DPP10: variants seen among roughly 807,000 people sequenced by gnomAD.
DPP10 encodes dipeptidyl peptidase like 10.
A neutral mutation model predicts 120.9 loss-of-function variants in DPP10; 33 were observed. The observed-to-expected ratio is 0.27, with a 90% CI of 0.21 to 0.37. The LOEUF is 0.37. Among genes scored for constraint, DPP10 ranks in the 10% least tolerant of loss-of-function variants. The pLI is 1.00. For synonymous variants in DPP10, 337 were observed against 326.1 expected, an observed-to-expected ratio of 1.03 and a Z score of -0.36; for missense variants, 816 against 942.8, an observed-to-expected ratio of 0.87 and a Z score of 1.76.
intron 1 of DPP10, among the ~76,000 whole-genome samples, chr2:115,145,417 A>G (rs2051168057): frequency 6.6e-6 from 1 of 152,158 alleles, no homozygotes; most frequent in Admixed American, 6.6e-5. Flanking sequence ...GCCTTTTCAG[A>G]CTGACTTCTT....
intron 1 of DPP10, among the ~76,000 whole-genome samples, chr2:115,101,303 T>C (rs1458123837): frequency 6.6e-6 from 1 of 152,158 alleles, no homozygotes; most frequent in Non-Finnish European, 1.5e-5. Context: ...GATGGAAATA[T>C]CTGGTTACAA....
intron 1 of DPP10, chr2:115,161,837 C>T (rs2052394354): frequency 1.9e-6 from 2 of 1,035,186 alleles, no homozygotes; most frequent in African/African-American, 1.7e-5. Flanking sequence ...CTCCCCCCAC[C>T]CCGTCCCTTC....
At chr2:114,646,320 A>G (rs1179183261) in intron 1 of DPP10, among the ~76,000 whole-genome samples, 3 of 152,106 alleles carry the variant, frequency 2.0e-5, no homozygotes, top group Non-Finnish European at 4.4e-5. Flanking sequence ...CTCCCTTCCC[A>G]CCATGAGACA....
chr2:115,395,428 G>C (rs2067613035), intron 3 of DPP10, among the ~76,000 whole-genome samples: 1 of 152,110 alleles, frequency 6.6e-6, no homozygotes, highest in South Asian at 2.1e-4. Context: ...TTGACATGTG[G>C]GTTTCAGAAG....
At chr2:115,463,266 A>G (rs947943099) in intron 3 of DPP10, among the ~76,000 whole-genome samples, 2 of 152,202 alleles carry the variant, frequency 1.3e-5, no homozygotes, top group Admixed American at 1.3e-4. Context: ...TGAGATTCCT[A>G]TACCACACCT....
At position 114,773,711 on chromosome 2, in the gene DPP10, T is replaced by A. The variant is rs370102285; in HGVS notation, c.60+330873T>A. ...CCATAAAGAAGGCAGTGATGACTCA[T>A]GATGTGATTTTAAGAATCTGAACTT... On this transcript the variant is annotated intron_variant, in intron 1 of 25. Coordinates refer to ENST00000410059, the MANE Select transcript of DPP10 (RefSeq NM_020868.6). 3.3e-5 allele frequency among the ~76,000 whole-genome samples: 5 copies of A among 152,296 alleles called. No homozygotes were observed. The East Asian group carries it at 7.7e-4, about 23-fold the overall frequency.
chr2:115,497,006 C>T (rs905240659), intron 3 of DPP10, among the ~76,000 whole-genome samples: 6 of 151,964 alleles, frequency 3.9e-5, no homozygotes, highest in African/African-American at 7.2e-5. Flanking sequence ...CTGGTTGAGT[C>T]ATGAGTCCAG....
At chr2:114,819,206 T>TC (rs1311568340) in intron 1 of DPP10, among the ~76,000 whole-genome samples, 1 of 152,084 alleles carries the variant, frequency 6.6e-6, no homozygotes, top group Non-Finnish European at 1.5e-5. Context: ...ACTAAGCTTT[T>TC]TTTTTTTTTT....
At chr2:115,266,125 T>A (rs1334364899) in intron 1 of DPP10, among the ~76,000 whole-genome samples, 1 of 152,134 alleles carries the variant, frequency 6.6e-6, no homozygotes, top group Non-Finnish European at 1.5e-5. Flanking sequence ...CAAGACATAT[T>A]TTAGAAGCTC....
intron 1 of DPP10, among the ~76,000 whole-genome samples, chr2:114,898,622 A>G (rs1234168992): frequency 1.3e-5 from 2 of 152,202 alleles, no homozygotes; most frequent in Non-Finnish European, 2.9e-5. Context: ...TTTAGTCAAT[A>G]CTTACATAGC....
intron 1 of DPP10, among the ~76,000 whole-genome samples, chr2:114,878,489 T>C (rs909896337): frequency 1.3e-5 from 2 of 152,096 alleles, no homozygotes; most frequent in Admixed American, 6.6e-5. Context: ...TTCCTAATAA[T>C]AGTCTCTCTA....
intron 3 of DPP10, among the ~76,000 whole-genome samples, chr2:115,431,363 T>C (rs1174593582): frequency 6.6e-6 from 1 of 152,096 alleles, no homozygotes; most frequent in Non-Finnish European, 1.5e-5. Context: ...AAAATGTTGG[T>C]GCCCATGGGG....
At chr2:115,597,023 G>A (rs925336036) in intron 5 of DPP10, among the ~76,000 whole-genome samples, 2 of 152,124 alleles carry the variant, frequency 1.3e-5, no homozygotes, top group African/African-American at 2.4e-5. Flanking sequence ...ACAGTTTTTA[G>A]GGCTTACTAT....
At chr2:115,817,055 T>C (rs1687315744) in intron 21 of DPP10, among the ~76,000 whole-genome samples, 1 of 150,662 alleles carries the variant, frequency 6.6e-6, no homozygotes, top group African/African-American at 2.4e-5. Context: ...GAGGCCATCT[T>C]GGCTAACACG....
chr2:115,334,228 C>CTTTTTTTTTTTTTTTTTTTTTTT (rs1393213758), intron 2 of DPP10, among the ~76,000 whole-genome samples: 3 of 22,340 alleles, frequency 1.3e-4, no homozygotes, highest in Non-Finnish European at 2.6e-4. Flanking sequence ...AGAGCAGACT[C>CTTTTTTTTTTTTTTTTTTTTTTT]TGTTTTTTTT....
chr2:114,657,092 C>T (rs566453879), intron 1 of DPP10, among the ~76,000 whole-genome samples: 1 of 152,036 alleles, frequency 6.6e-6, no homozygotes, highest in African/African-American at 2.4e-5. Context: ...TGCTGTGCTC[C>T]GAATCTGGAA....
chr2:115,672,529 A>G (rs2089951027), intron 5 of DPP10, among the ~76,000 whole-genome samples: 1 of 152,148 alleles, frequency 6.6e-6, no homozygotes, highest in South Asian at 2.1e-4. Flanking sequence ...AATGATGCAC[A>G]GTTAAAAGAG....
intron 5 of DPP10, among the ~76,000 whole-genome samples, chr2:115,533,088 A>G (rs1012886367): frequency 6.6e-6 from 1 of 152,070 alleles, no homozygotes; most frequent in African/African-American, 2.4e-5. Flanking sequence ...TTTAAAATAC[A>G]CCATGTCAAG....
intron 8 of DPP10, among the ~76,000 whole-genome samples, chr2:115,728,582 A>T (rs2092824307): frequency 6.6e-6 from 1 of 152,164 alleles, no homozygotes; most frequent in Admixed American, 6.5e-5. Flanking sequence ...CAGATTCTTC[A>T]GCTGATTTTG....
Sources: gnomAD v4.1 joint callset for allele counts (sites outside exome capture counted in the v4.1 genomes callset) on GRCh38, gnomAD v4.1.1 for gene constraint, MANE v1.5 for transcripts, NCBI Gene and HGNC (gene_info 2026-07-23, HGNC 2026-07-21) for gene names.